Variants in DIS3L2 observed in about 807,000 individuals in gnomAD.
DIS3L2 encodes DIS3 like 3'-5' exoribonuclease 2.
A neutral mutation model predicts 97.5 loss-of-function variants in DIS3L2; 34 were observed. That is an observed-to-expected ratio of 0.35 (90% CI 0.27 to 0.46). DIS3L2 has a LOEUF of 0.46. Among genes scored for constraint, DIS3L2 ranks in the 20% least tolerant of loss-of-function variants. The probability of loss-of-function intolerance (pLI) is 1.00; values close to 1 mark genes in which losing one functional copy is unlikely to be tolerated. For missense variants in DIS3L2, 1,038 were observed against 1,146.0 expected (o/e 0.91, Z 1.36); for synonymous variants, 435 against 445.2 (o/e 0.98, Z 0.29).
intron 13 of DIS3L2, among the ~76,000 whole-genome samples, chr2:232,286,233 T>G (rs959825105): frequency 2.0e-5 from 3 of 152,212 alleles, no homozygotes; most frequent in African/African-American, 4.8e-5. Flanking sequence ...CTGATGCTGG[T>G]GCTCTGGAGC....
chr2:231,982,293 G>C (rs1210705354), intron 1 of DIS3L2, among the ~76,000 whole-genome samples: 1 of 152,046 alleles, frequency 6.6e-6, no homozygotes, highest in Non-Finnish European at 1.5e-5. Flanking sequence ...ACTTGGCTTT[G>C]CAATCTAGAA....
intron 9 of DIS3L2, among the ~76,000 whole-genome samples, chr2:232,192,556 C>T (rs1691642582): frequency 6.6e-6 from 1 of 152,180 alleles, no homozygotes; most frequent in Non-Finnish European, 1.5e-5. Context: ...TAGCATTGTA[C>T]TTTATGTCAT....
At chr2:232,270,902 C>G (rs868436023) in intron 13 of DIS3L2, among the ~76,000 whole-genome samples, 68 of 137,166 alleles carry the variant, frequency 5.0e-4, no homozygotes, top group African/African-American at 1.7e-3. Flanking sequence ...CTCTCTCTCT[C>G]TCTCTCTCTC....
At chr2:232,296,612 G>A (rs563541768) in intron 13 of DIS3L2, among the ~76,000 whole-genome samples, 1 of 152,254 alleles carries the variant, frequency 6.6e-6, no homozygotes, top group Non-Finnish European at 1.5e-5. Context: ...GTAAATGGGA[G>A]TTTCCCTGCA....
chr2:232,134,693 C>A (rs551710839), intron 7 of DIS3L2, among the ~76,000 whole-genome samples: 1 of 152,192 alleles, frequency 6.6e-6, no homozygotes, highest in Admixed American at 6.5e-5. Flanking sequence ...GGCGTGGTGA[C>A]TGGTGACACA....
At chr2:232,010,920 A>G (rs867133209) in intron 1 of DIS3L2, among the ~76,000 whole-genome samples, 4 of 152,144 alleles carry the variant, frequency 2.6e-5, no homozygotes, top group Admixed American at 6.5e-5. Flanking sequence ...ATTTATTCCA[A>G]TTTTTGAGCC....
rs34838591 is a variant in DIS3L2, at chr2:232,080,900, CAA to C, written c.367-6569_367-6568del. Among the ~76,000 whole-genome samples the C allele has an allele frequency of 9.2e-3, 1,070 of 116,198 alleles. 8 individuals are homozygous for C. Among genetic ancestry groups the C allele is most frequent in the East Asian group, 0.061 (233 of 3,824 alleles). The allele number at this position is 116,198 out of a possible 152,430, so 76.2% of individuals were successfully genotyped here. On this transcript the variant is annotated intron_variant, in intron 5 of 20. Transcript: ENST00000325385. ...TAGGTAACAAAGTGCAGCTCTGTCT[CAA>C]AAAAAAAAAAAAAAAAATACAGTTG...
chr2:232,329,784 GTCCCTCCCA>G lies in DIS3L2; in HGVS notation c.1740-24_1740-16del. The G allele has an allele frequency of 9.2e-7, 1 of 1,092,826 alleles. No homozygotes were observed. Among genetic ancestry groups the G allele is most frequent in the Non-Finnish European group, 1.3e-6 (1 of 788,798 alleles). 67.7% of individuals were successfully genotyped at this position (1,092,826 alleles called of 1,614,324 possible). Reference sequence around the variant, plus strand: ...GCGCACCTGTCCCCAAACCCCAGCGGTCCCTCCCATCCCACCCACCCTCTGCAGGCTCGT... The same window carrying G: ...GCGCACCTGTCCCCAAACCCCAGCGGTCCCACCCACCCTCTGCAGGCTCGT... On this transcript the variant is annotated intron_variant, in intron 14 of 20. Transcript: ENST00000325385.
intron 5 of DIS3L2, among the ~76,000 whole-genome samples, chr2:232,073,485 G>T (rs1241839657): frequency 1.3e-5 from 2 of 152,214 alleles, no homozygotes; most frequent in Admixed American, 6.5e-5. Context: ...CCTGCCTAAG[G>T]AGAATGTAAT....
chr2:232,336,739 G>C lies in DIS3L2; in HGVS notation c.*109G>C, dbSNP rs971010896. On this transcript the variant is annotated 3_prime_UTR_variant, in exon 21 of 21. Transcript: ENST00000325385. ...TTTAATTTGGTTTTTAACAACTCAG[G>C]GGTTTGTTTTTATTTTTATTTAATT... is the stretch of plus-strand genomic sequence containing the variant. 1.3e-5 allele frequency: 20 copies of C among 1,490,824 alleles called. No individual in the cohort carries two copies. The highest frequency in any genetic ancestry group is 2.2e-4 in the Middle Eastern group (1 of 4,598). The allele number at this position is 1,490,824 out of a possible 1,614,324, so 92.3% of individuals were successfully genotyped here. A position where few individuals can be genotyped will look rare whatever the true frequency, so the allele number is the denominator to read the frequency against.
At chr2:232,249,935 C>T (rs1402972843) in intron 12 of DIS3L2, among the ~76,000 whole-genome samples, 2 of 152,092 alleles carry the variant, frequency 1.3e-5, no homozygotes, top group Non-Finnish European at 2.9e-5. Flanking sequence ...AAACCACAGA[C>T]CAAGAACAGA....
chr2:232,015,655 G>C lies in DIS3L2; in HGVS notation c.194G>C (p.Arg65Thr). 6.2e-7 allele frequency: 1 copy of C among 1,613,826 alleles called. No individual in the cohort carries two copies. Among genetic ancestry groups the C allele is most frequent in the Non-Finnish European group, 8.5e-7 (1 of 1,179,870 alleles). The change falls in exon 3 of 21, where the codon AGA (arginine) becomes ACA (threonine). Residue 65 changes from arginine (R) to threonine (T), a missense_variant. By Grantham distance (71) the Arg-to-Thr change is moderately conservative. This residue lies in a region of DIS3L2 where 813 missense variants were observed against 880.1 expected (regional missense o/e 0.92). Transcript: ENST00000325385. ...GAGGATGTTTCAGAAGGCTTGAAGA[G>C]AGGAACACTCATCCAGGTGCTTAAA... Reference protein sequence around the residue: ...SKEDVSEGLKRGTLIQGVLRI... With the variant: ...SKEDVSEGLKTGTLIQGVLRI...
chr2:232,024,400 T>G, intron 4 of DIS3L2, 70 bp downstream of exon 4: 1 of 1,222,060 alleles, frequency 8.2e-7, no homozygotes. Context: ...GAAACTGAAA[T>G]CATATATTCT....
chr2:232,281,911 A>G lies in DIS3L2; in HGVS notation c.1660-18129A>G, dbSNP rs1694297722. On this transcript the variant is annotated intron_variant, in intron 13 of 20. Transcript: ENST00000325385. This position sits in a 1 kb window ranked among gnomAD's most constrained non-coding sequence, Gnocchi z 4.1. Reference sequence around the variant, plus strand: ...AGCATCGGGATTGCTCATACCTCCCAAAGTACAGCAGGAAGGACTAGAAGC... The same window carrying G: ...AGCATCGGGATTGCTCATACCTCCCGAAGTACAGCAGGAAGGACTAGAAGC... Among the ~76,000 whole-genome samples the G allele has an allele frequency of 1.3e-5, 2 of 151,850 alleles. No individual in the cohort carries two copies. Among genetic ancestry groups the G allele is most frequent in the Non-Finnish European group, 3.0e-5 (2 of 67,796 alleles).
At chr2:232,128,799 T>C (rs1394340218) in intron 6 of DIS3L2, among the ~76,000 whole-genome samples, 1 of 152,146 alleles carries the variant, frequency 6.6e-6, no homozygotes, top group Non-Finnish European at 1.5e-5. Flanking sequence ...TTGTTGGAAA[T>C]GTATTAAGGT....
chr2:231,971,777 T>G (rs1021990315), intron 1 of DIS3L2, among the ~76,000 whole-genome samples: 2 of 149,864 alleles, frequency 1.3e-5, no homozygotes, highest in African/African-American at 4.9e-5. Flanking sequence ...AGACGGGGTT[T>G]CACCGTGTTG....
At chr2:231,992,187 C>T (rs1346236823) in intron 1 of DIS3L2, among the ~76,000 whole-genome samples, 1 of 152,056 alleles carries the variant, frequency 6.6e-6, no homozygotes. Context: ...GAGAAGGCAT[C>T]CCAAGAGCTG....
rs1260084021 is a variant in DIS3L2 at position 232,030,025 on chromosome 2, G to A, written c.311G>A (p.Arg104Lys). ...IFIDGVVARN[R>K]ALNGDLVVVK... ...ATTGATGGGGTTGTTGCTCGTAATA[G>A]AGCCTTAAATGGGGATCTGGTGGTC... The change falls in exon 5 of 21, where the codon AGA becomes AAA. Residue 104 changes from arginine to lysine, a missense_variant. Transcript: ENST00000325385. 1 of 1,609,918 alleles carries A rather than the reference G, an allele frequency of 6.2e-7. No homozygotes were observed. Among genetic ancestry groups the A allele is most frequent in the Admixed American group, 1.7e-5 (1 of 59,370 alleles).
intron 7 of DIS3L2, among the ~76,000 whole-genome samples, chr2:232,133,108 A>G (rs1698264608): frequency 6.6e-6 from 1 of 152,180 alleles, no homozygotes; most frequent in Non-Finnish European, 1.5e-5. Context: ...TCTCCCACTC[A>G]GAAACACTGG....
Sources: gnomAD v4.1 joint callset for allele counts (sites outside exome capture counted in the v4.1 genomes callset) on GRCh38, gnomAD v4.1.1 for gene constraint, gnomAD v4.1.1 regional missense constraint, Gnocchi (gnomAD v3.1) non-coding constraint, MANE v1.5 for transcripts, NCBI Gene and HGNC (gene_info 2026-07-23, HGNC 2026-07-21) for gene names.